Variants in PLEKHA4 observed in about 807,000 individuals in gnomAD.
The protein encoded by PLEKHA4 is pleckstrin homology domain containing A4.
PLEKHA4 carries 73 observed loss-of-function variants against 94.7 expected under a neutral mutation model. The ratio of observed to expected loss-of-function variants is 0.77; its 90% CI spans 0.64 to 0.94. The LOEUF is 0.94. PLEKHA4 is among the 40% of genes least tolerant of loss of function. The probability of loss-of-function intolerance (pLI) is 0.00; values close to 1 mark genes in which losing one functional copy is unlikely to be tolerated. For synonymous variants in PLEKHA4, 449 were observed against 437.1 expected (o/e 1.03, Z -0.34); for missense variants, 1,049 against 1,054.1 (o/e 1.00, Z 0.07).
In PLEKHA4 at chr19:48,857,449, AG is replaced by A; in HGVS notation, c.1019del (p.Pro340LeufsTer29). 3.2e-6 allele frequency: 5 copies of A among 1,558,180 alleles called. No individual in the cohort carries two copies. Among genetic ancestry groups the A allele is most frequent in the South Asian group, 1.2e-5 (1 of 83,148 alleles). Reference sequence around the variant, plus strand: ...ATAAAACCATGGAGGCCCGGGTCCCAGGGGGCCGCGGGGGGAGCTGGAGATA... The same window carrying A: ...ATAAAACCATGGAGGCCCGGGTCCCAGGGGCCGCGGGGGGAGCTGGAGATA... Reference protein sequence around the residue: ...PTYLQLPPRPPGTRASMVLLP... With the variant: ...PTYLQLPPRPXGTRASMVLLP... On this transcript the variant is annotated frameshift_variant, in exon 9 of 20. Coordinates refer to ENST00000263265, the MANE Select transcript of PLEKHA4 (RefSeq NM_020904.3). LOFTEE classifies it high-confidence loss of function.
intron 13 of PLEKHA4, among the ~76,000 whole-genome samples, chr19:48,849,201 T>C (rs771511235): frequency 6.6e-6 from 1 of 151,700 alleles, no homozygotes; most frequent in Non-Finnish European, 1.5e-5. Context: ...CCACTGCAGC[T>C]GGCATGGGTC....
intron 9 of PLEKHA4, among the ~76,000 whole-genome samples, chr19:48,856,939 GAA>G (rs1019671312): frequency 1.6e-5 from 2 of 122,150 alleles, no homozygotes; most frequent in Non-Finnish European, 3.2e-5. Context: ...GAAAAGAAAA[GAA>G]AAAGAAAGAG....
intron 9 of PLEKHA4, among the ~76,000 whole-genome samples, chr19:48,856,412 T>A (rs1383200549): frequency 8.1e-6 from 1 of 123,996 alleles, no homozygotes; most frequent in Non-Finnish European, 1.9e-5. Context: ...TGAAACCCCA[T>A]CTCTACTAAA....
intron 16 of PLEKHA4, among the ~76,000 whole-genome samples, chr19:48,843,167 A>ATTATTTTATT (rs57630089): frequency 2.1e-4 from 32 of 151,254 alleles, no homozygotes; most frequent in East Asian, 7.8e-4. Context: ...TTTTTTTTAA[A>ATTATTTTATT]TTATTTTATT....
chr19:48,860,470 A>G lies in PLEKHA4; in HGVS notation c.367-11T>C, dbSNP rs1169938879. On this transcript the variant is annotated splice_polypyrimidine_tract_variant and intron_variant, in intron 5 of 19. Coordinates refer to ENST00000263265, the MANE Select transcript of PLEKHA4 (RefSeq NM_020904.3). Reference sequence around the variant, plus strand: ...GCCCGGGTGCTCTGCCTGCGGGAAGAGAAGGCTTGGAATCCGGACTCCCGG... The same window carrying G: ...GCCCGGGTGCTCTGCCTGCGGGAAGGGAAGGCTTGGAATCCGGACTCCCGG... The G allele has an allele frequency of 1.9e-6, 3 of 1,609,704 alleles. No individual in the cohort carries two copies. The highest frequency in any genetic ancestry group is 3.3e-5 in the Admixed American group (2 of 59,994).
At chr19:48,838,341 G>C in intron 18 of PLEKHA4, 1 of 372,598 alleles carries the variant, frequency 2.7e-6, no homozygotes, top group African/African-American at 2.1e-5. Context: ...ATCCTTGAAA[G>C]GGGATGGATA....
chr19:48,854,395 G>T lies in PLEKHA4; in HGVS notation c.1048-131C>A, dbSNP rs115595925. The T allele has an allele frequency of 2.9e-3, 2,355 of 805,664 alleles. 35 individuals are homozygous for T. In the African/African-American group the frequency reaches 0.037, roughly 13 times the overall value. 49.9% of individuals were successfully genotyped at this position (805,664 alleles called of 1,614,324 possible). A position where few individuals can be genotyped will look rare whatever the true frequency, so the allele number is the denominator to read the frequency against. ...ATTTATTTATTTATTTAGAGATAGG[G>T]TCTTGCTCTGTCACCCAAGCTGGTG... On this transcript the variant is annotated intron_variant, in intron 9 of 19. Coordinates refer to ENST00000263265, the MANE Select transcript of PLEKHA4 (RefSeq NM_020904.3).
At chr19:48,838,182 G>A (rs1057214781) in intron 18 of PLEKHA4, 53 bp from the exon 19 acceptor site, 2 of 1,045,906 alleles carry the variant, frequency 1.9e-6, no homozygotes, top group African/African-American at 1.6e-5. Flanking sequence ...GGGAGAGGTG[G>A]GGGATGGTTA....
At position 48,860,318 on chromosome 19, in the gene PLEKHA4, G is replaced by C. The variant is rs1270166765; in HGVS notation, c.476+32C>G. ...GATGACGAGACTGACTCAGGGTGGAGGGTCAGGAGCATGGCTTGGACCTCT... is the reference window on the plus strand; with the variant it reads ...GATGACGAGACTGACTCAGGGTGGACGGTCAGGAGCATGGCTTGGACCTCT... On this transcript the variant is annotated intron_variant, in intron 6 of 19. Coordinates refer to ENST00000263265, the MANE Select transcript of PLEKHA4 (RefSeq NM_020904.3). 3.8e-6 allele frequency: 6 copies of C among 1,564,732 alleles called. No homozygotes were observed. In the East Asian group the frequency reaches 1.1e-4, roughly 29 times the overall value.
chr19:48,845,582 C>G lies in PLEKHA4; in HGVS notation c.1601G>C (p.Arg534Thr). ...LPESLELSSP[R>T]SPETDWGRPP... is the part of the protein sequence containing the mutation. ...CCGCCCCCAGTCAGTCTCGGGGGAC[C>G]TAGGGGAGCTCAGTTCCAAGGACTC... Residue 534 changes from arginine (R) to threonine (T), a missense_variant, in exon 15 of 20, where the codon AGG (arginine) becomes ACG (threonine). Coordinates refer to ENST00000263265, the MANE Select transcript of PLEKHA4 (RefSeq NM_020904.3). 6.2e-7 allele frequency: 1 copy of G among 1,605,934 alleles called. No homozygotes were observed. The highest frequency in any genetic ancestry group is 8.5e-7 in the Non-Finnish European group (1 of 1,175,918).
At chr19:48,865,653 A>G in intron 2 of PLEKHA4, 43 bp from the exon 3 acceptor site, 4 of 1,450,336 alleles carry the variant, frequency 2.8e-6, no homozygotes, top group Non-Finnish European at 3.9e-6. Flanking sequence ...AGAGCCTAGG[A>G]TGGTCCTGGG....
intron 13 of PLEKHA4, among the ~76,000 whole-genome samples, chr19:48,848,556 G>A (rs2036061157): frequency 6.6e-6 from 1 of 150,792 alleles, no homozygotes; most frequent in African/African-American, 2.5e-5. Context: ...ATTTTGGGAA[G>A]CCGAGGCGGG....
chr19:48,845,193 C>A, intron 16 of PLEKHA4, 177 bp downstream of exon 16: 2 of 628,492 alleles, frequency 3.2e-6, no homozygotes, highest in Non-Finnish European at 5.6e-6. Flanking sequence ...AATAACTGAC[C>A]CAAAGTCACA....
In PLEKHA4 at chr19:48,859,464, C is replaced by G; in HGVS notation, c.692+5G>C. 2.5e-6 allele frequency: 4 copies of G among 1,613,642 alleles called. No individual in the cohort carries two copies. Among genetic ancestry groups the G allele is most frequent in the Non-Finnish European group, 3.4e-6 (4 of 1,179,942 alleles). On this transcript the variant is annotated splice_donor_5th_base_variant and intron_variant, in intron 7 of 19. Coordinates refer to ENST00000263265, the MANE Select transcript of PLEKHA4 (RefSeq NM_020904.3). ...CACGCCCACAACCATGTCCTCCCTA[C>G]TCACTCGGGGCTCCTCGCCCTCCGC...
At position 48,848,040 on chromosome 19, in the gene PLEKHA4, C is replaced by T. The variant is rs759682069; in HGVS notation, c.1426G>A (p.Asp476Asn). The T allele has an allele frequency of 6.2e-7, 1 of 1,613,402 alleles. No homozygotes were observed. Among genetic ancestry groups the T allele is most frequent in the East Asian group, 2.2e-5 (1 of 44,868 alleles). ...EYLLHLGSPQDRVSAQQQLWM... is the reference protein window; with the variant it reads ...EYLLHLGSPQNRVSAQQQLWM... ...AGCTGCTGCTGAGCAGACACTCTGT[C>T]CTGCAGGGAGGAAAGGAATTTGTTA... The change falls in exon 14 of 20, where the codon GAC becomes AAC. Residue 476 changes from aspartate to asparagine, a missense_variant and splice_region_variant. Physicochemically the swap from Asp to Asn is conservative, Grantham distance 23 (BLOSUM62 1). Transcript: ENST00000263265.
intron 9 of PLEKHA4, among the ~76,000 whole-genome samples, chr19:48,856,911 AAAAAAG>A (rs2036438107): frequency 1.5e-5 from 2 of 131,656 alleles, no homozygotes; most frequent in African/African-American, 3.5e-5. Context: ...AAAAAAAAAA[AAAAAAG>A]AAAGAAAGAA....
chr19:48,842,991 G>C (rs73587883), intron 16 of PLEKHA4, among the ~76,000 whole-genome samples: 3,468 of 152,150 alleles, frequency 0.023, 104 homozygotes, highest in African/African-American at 0.076. Context: ...CACCCGGTTG[G>C]GGTGAGGGAG....
chr19:48,851,739 G>A (rs139492328), intron 13 of PLEKHA4, among the ~76,000 whole-genome samples: 2,626 of 152,014 alleles, frequency 0.017, 34 homozygotes, highest in Middle Eastern at 0.048. Flanking sequence ...CAGATCACTT[G>A]AGGTCAGGAG....
chr19:48,847,966 C>A lies in PLEKHA4; in HGVS notation c.1500G>T (p.Pro500=). 1 of 1,612,550 alleles carries A rather than the reference C, an allele frequency of 6.2e-7. No individual in the cohort carries two copies. Among genetic ancestry groups the A allele is most frequent in the Non-Finnish European group, 8.5e-7 (1 of 1,179,414 alleles). Residue 500 remains proline (P), a synonymous_variant, in exon 14 of 20, where the codon CCG becomes CCT. Transcript: ENST00000263265. Reference sequence around the variant, plus strand: ...GGGAGTCAGGCTCAGTGTGTGGGGGCGGTTTCTGGGGGCCACCCAGACCTG... The same window carrying A: ...GGGAGTCAGGCTCAGTGTGTGGGGGAGGTTTCTGGGGGCCACCCAGACCTG... ...TLAGLGGPQK[P]PPHTEPDSPS...
Sources: gnomAD v4.1 joint callset for allele counts (sites outside exome capture counted in the v4.1 genomes callset) on GRCh38, gnomAD v4.1.1 for gene constraint, MANE v1.5 for transcripts, NCBI Gene and HGNC (gene_info 2026-07-23, HGNC 2026-07-21) for gene names.